Variants in KCNN2 observed in about 807,000 individuals in gnomAD.
The protein encoded by KCNN2 is potassium calcium-activated channel subfamily N member 2, also known as small conductance calcium-activated potassium channel protein 2.
Under a neutral mutation model 55.5 loss-of-function variants are expected in KCNN2, and 24 were observed. The observed-to-expected ratio is 0.43, with a 90% CI of 0.31 to 0.61. The LOEUF (loss-of-function observed/expected upper bound fraction) is 0.61. KCNN2 is among the 20% of genes least tolerant of loss of function. The pLI is 0.08. For missense variants in KCNN2, 754 were observed against 853.6 expected, an observed-to-expected ratio of 0.88 and a Z score of 1.45; for synonymous variants, 431 against 336.1, an observed-to-expected ratio of 1.28 and a Z score of -3.09.
At chr5:114,127,295 C>G (rs922756760) in intron 1 of KCNN2, among the ~76,000 whole-genome samples, 5 of 152,172 alleles carry the variant, frequency 3.3e-5, no homozygotes, top group East Asian at 3.9e-4. Flanking sequence ...GGGCTCTACC[C>G]CTGAAACAGA....
intron 3 of KCNN2, among the ~76,000 whole-genome samples, chr5:114,426,870 CT>C (rs1461662915): frequency 6.6e-6 from 1 of 152,150 alleles, no homozygotes; most frequent in Non-Finnish European, 1.5e-5. Flanking sequence ...TTTCCCTCAG[CT>C]TTTAGTTAGA....
chr5:114,252,492 G>C (rs1232942071), intron 2 of KCNN2, among the ~76,000 whole-genome samples: 2 of 152,028 alleles, frequency 1.3e-5, no homozygotes, highest in Non-Finnish European at 2.9e-5. Flanking sequence ...TTCCCTCTCT[G>C]TTTTCTCTCT....
At position 114,493,496 on chromosome 5, in the gene KCNN2, C is replaced by T. The variant is rs371014211; in HGVS notation, c.2088+24C>T. ...AGGTAAGCCTGAGGTGCTTAGCCCT[C>T]CTAGTTGCATCTGTTGAAATCAACC... On this transcript the variant is annotated intron_variant, in intron 7 of 7. Coordinates refer to ENST00000673685, the MANE Select transcript of KCNN2 (RefSeq NM_021614.4). 27 of 1,547,634 alleles carry T rather than the reference C, an allele frequency of 1.7e-5. No individual in the cohort carries two copies. In the African/African-American group the frequency reaches 3.5e-4, roughly 20 times the overall value.
intron 2 of KCNN2, among the ~76,000 whole-genome samples, chr5:114,251,194 G>T (rs1754850439): frequency 6.6e-6 from 1 of 152,208 alleles, no homozygotes; most frequent in African/African-American, 2.4e-5. Flanking sequence ...GTGCTGAATT[G>T]TGTTGCCTAT....
intron 1 of KCNN2, among the ~76,000 whole-genome samples, chr5:114,112,838 C>A (rs1373898348): frequency 3.3e-5 from 5 of 152,042 alleles, no homozygotes; most frequent in African/African-American, 1.2e-4. Context: ...CATATTACTT[C>A]AAAATGTGTT....
At chr5:114,124,375 CTG>C (rs781410979) in intron 1 of KCNN2, among the ~76,000 whole-genome samples, 1 of 152,134 alleles carries the variant, frequency 6.6e-6, no homozygotes, top group Non-Finnish European at 1.5e-5. Flanking sequence ...GTTTGCAAAA[CTG>C]GAGTTCACTG....
At chr5:114,230,432 G>A (rs1161557228) in intron 2 of KCNN2, among the ~76,000 whole-genome samples, 5 of 125,842 alleles carry the variant, frequency 4.0e-5, no homozygotes, top group East Asian at 2.4e-4. Flanking sequence ...ATCCCTCCCC[G>A]CTCCCCCCAC....
At chr5:114,488,688 A>T (rs745899207) in intron 6 of KCNN2, among the ~76,000 whole-genome samples, 2 of 152,158 alleles carry the variant, frequency 1.3e-5, no homozygotes, top group Non-Finnish European at 2.9e-5. Context: ...CCTGTGGAAC[A>T]GGCATCTTCC....
chr5:114,410,281 G>A (rs530145090), intron 3 of KCNN2, among the ~76,000 whole-genome samples: 4 of 152,310 alleles, frequency 2.6e-5, no homozygotes, highest in African/African-American at 9.6e-5. Flanking sequence ...GATAGCGTAC[G>A]TAGGCAGCTA....
chr5:114,339,747 G>A (rs530973689), intron 2 of KCNN2, among the ~76,000 whole-genome samples: 2 of 152,076 alleles, frequency 1.3e-5, no homozygotes, highest in South Asian at 2.1e-4. Flanking sequence ...AAGTTGCTGT[G>A]AGCCAAGACC....
At chr5:114,136,960 TG>T (rs1263165215) in intron 1 of KCNN2, among the ~76,000 whole-genome samples, 2 of 152,190 alleles carry the variant, frequency 1.3e-5, no homozygotes, top group Admixed American at 6.5e-5. Flanking sequence ...ATAACAGCCG[TG>T]TTTGACTCAG....
rs6149185 is a variant in KCNN2 at position 114,323,649 on chromosome 5, A to ATTTTTTTTTTTTTTTTTTTTTTTTT, written c.-184-37278_-184-37277insTTTTTTTTTTTTTTTTTTTTTTTTT. Among the ~76,000 whole-genome samples the ATTTTTTTTTTTTTTTTTTTTTTTTT allele has an allele frequency of 6.8e-3, 580 of 85,242 alleles. 130 individuals carry two copies. The highest frequency in any genetic ancestry group is 9.2e-3 in the Non-Finnish European group (405 of 44,016). 55.9% of individuals were successfully genotyped at this position (85,242 alleles called of 152,430 possible). On this transcript the variant is annotated intron_variant, in intron 2 of 10. Transcript: ENST00000512097. The stretch of plus-strand genomic sequence containing the variant: ...TAAGTATCATGATATAAACATATCA[A>ATTTTTTTTTTTTTTTTTTTTTTTTT]TTTTTTTTTTTTTTTTTTGCTGGTC...
intron 1 of KCNN2, among the ~76,000 whole-genome samples, chr5:114,181,002 A>G (rs1213800691): frequency 6.6e-6 from 1 of 152,174 alleles, no homozygotes; most frequent in Non-Finnish European, 1.5e-5. Flanking sequence ...GTATTTCATC[A>G]TGTATATTTA....
At position 114,177,282 on chromosome 5, in the gene KCNN2, A is replaced by C. The variant is rs113161354; in HGVS notation, c.-270-44198A>C. Among the ~76,000 whole-genome samples, 623 of 151,662 alleles carry C rather than the reference A, an allele frequency of 4.1e-3. 4 individuals carry two copies. Among genetic ancestry groups the C allele is most frequent in the African/African-American group, 0.014 (576 of 41,376 alleles). ...CCTCCTGAGTAGCTGGGACTACAGG[A>C]GCCCGCCACCGCGCCCGGCTAATGT... On this transcript the variant is annotated intron_variant, in intron 1 of 10. Coordinates refer to the KCNN2 transcript ENST00000512097.
In KCNN2 at chr5:114,388,239, T is replaced by C. The variant is rs1561601555; in HGVS notation, c.1219-16199T>C. Reference sequence around the variant, plus strand: ...TCGTAATGTTTTCACTGCTTCTATCTTTCTCCTTTCTTTCCTTATTTTGGG... The same window carrying C: ...TCGTAATGTTTTCACTGCTTCTATCCTTCTCCTTTCTTTCCTTATTTTGGG... On this transcript the variant is annotated intron_variant, in intron 2 of 7. Coordinates refer to ENST00000673685, the MANE Select transcript of KCNN2 (RefSeq NM_021614.4). 2.0e-5 allele frequency among the ~76,000 whole-genome samples: 3 copies of C among 152,190 alleles called. No homozygotes were observed. In the South Asian group the frequency reaches 6.2e-4, roughly 31 times the overall value.
upstream of KCNN2, among the ~76,000 whole-genome samples, chr5:114,359,536 A>C (rs559424779): frequency 6.6e-6 from 1 of 152,230 alleles, no homozygotes; most frequent in African/African-American, 2.4e-5. Context: ...TCAGTTTGAC[A>C]CAAGGGATGC....
rs148901927 is a variant in KCNN2 at position 114,462,954 on chromosome 5, A to G, written c.1638-95A>G. The G allele has an allele frequency of 5.4e-4, 638 of 1,175,728 alleles. 3 individuals are homozygous for G. The African/African-American group carries it at 9.0e-3, about 17-fold the overall frequency. The allele number at this position is 1,175,728 out of a possible 1,614,324, so 72.8% of individuals were successfully genotyped here. A position where few individuals can be genotyped will look rare whatever the true frequency, so the allele number is the denominator to read the frequency against. The stretch of plus-strand genomic sequence containing the variant: ...AACTTCTAAATATAGCAGTTTATAG[A>G]AGATACAGTAAATTCGTTGAATTGA... On this transcript the variant is annotated intron_variant, in intron 3 of 7. Transcript: ENST00000673685.
chr5:114,295,143 A>C (rs1024662238), intron 2 of KCNN2, among the ~76,000 whole-genome samples: 4 of 152,290 alleles, frequency 2.6e-5, no homozygotes, highest in South Asian at 4.1e-4. Flanking sequence ...TAGGCTGCTC[A>C]GGGCTCAGAG....
intron 1 of KCNN2, among the ~76,000 whole-genome samples, chr5:114,196,609 A>G (rs970330532): frequency 4.6e-5 from 7 of 151,822 alleles, no homozygotes; most frequent in Non-Finnish European, 7.4e-5. Flanking sequence ...GAATTTGTTC[A>G]TTTCATCTAA....
Sources: allele counts gnomAD v4.1 joint callset (sites outside exome capture counted in the v4.1 genomes callset), GRCh38; gene constraint gnomAD v4.1.1; transcripts MANE v1.5; gene names NCBI Gene and HGNC (gene_info 2026-07-23, HGNC 2026-07-21).